Variants in MYO6 observed in about 807,000 individuals in gnomAD.
MYO6 encodes the protein myosin VI.
MYO6 carries 74 observed loss-of-function variants against 178.7 expected under a neutral mutation model. The observed-to-expected ratio is 0.41, with a 90% CI of 0.34 to 0.50. The LOEUF (loss-of-function observed/expected upper bound fraction) is 0.50. Among genes scored for constraint, MYO6 ranks in the 20% least tolerant of loss-of-function variants. MYO6 has a pLI of 0.09. For synonymous variants in MYO6, 477 were observed against 504.6 expected, an observed-to-expected ratio of 0.95 and a Z score of 0.73; for missense variants, 1,330 against 1,547.4, an observed-to-expected ratio of 0.86 and a Z score of 2.36.
chr6:75,906,370 A>G (rs999898894), intron 30 of MYO6, among the ~76,000 whole-genome samples: 2 of 152,180 alleles, frequency 1.3e-5, no homozygotes, highest in Non-Finnish European at 2.9e-5. Flanking sequence ...AATGATCTCA[A>G]ATTATATGCA....
chr6:75,852,818 A>C (rs1193306036), intron 11 of MYO6, among the ~76,000 whole-genome samples: 1 of 152,052 alleles, frequency 6.6e-6, no homozygotes, highest in Non-Finnish European at 1.5e-5. Flanking sequence ...TTTGTGTACA[A>C]ATTTGTGTTT....
chr6:75,862,489 A>T (rs147618927), intron 15 of MYO6, 107 bp from the exon 16 acceptor site: 2 of 970,762 alleles, frequency 2.1e-6, no homozygotes, highest in African/African-American at 3.2e-5. Flanking sequence ...ATCACATGCT[A>T]TGTTGTTTCT....
At chr6:75,784,393 T>G (rs1767299367) in intron 1 of MYO6, among the ~76,000 whole-genome samples, 1 of 150,598 alleles carries the variant, frequency 6.6e-6, no homozygotes, top group Non-Finnish European at 1.5e-5. Context: ...GGAAGTGAAG[T>G]TGAAAGCCAG....
At chr6:75,821,162 T>C (rs1384914151) in intron 2 of MYO6, among the ~76,000 whole-genome samples, 1 of 152,052 alleles carries the variant, frequency 6.6e-6, no homozygotes, top group Non-Finnish European at 1.5e-5. Flanking sequence ...GCTCTTAACT[T>C]TCTCATTCCA....
chr6:75,851,655 C>T (rs1414474092), intron 11 of MYO6, among the ~76,000 whole-genome samples: 2 of 151,618 alleles, frequency 1.3e-5, no homozygotes, highest in Admixed American at 1.3e-4. Context: ...AAAAAAACCC[C>T]CAAAACACAC....
intron 1 of MYO6, among the ~76,000 whole-genome samples, chr6:75,754,990 G>A (rs929655499): frequency 6.6e-6 from 1 of 152,184 alleles, no homozygotes; most frequent in Non-Finnish European, 1.5e-5. Flanking sequence ...AGCACTTTGG[G>A]AGGCTGAGGT....
intron 23 of MYO6, among the ~76,000 whole-genome samples, chr6:75,885,395 A>G (rs1268821944): frequency 1.3e-5 from 2 of 151,710 alleles, no homozygotes; most frequent in East Asian, 1.9e-4. Flanking sequence ...TTAGCCCAGC[A>G]TGGTGTGTGC....
intron 16 of MYO6, 83 bp downstream of exon 16, chr6:75,862,806 A>T: frequency 1.4e-6 from 2 of 1,479,926 alleles, no homozygotes; most frequent in Non-Finnish European, 1.9e-6. Flanking sequence ...ATATTACTAG[A>T]TAATTAGAAT....
chr6:75,866,464 A>G, intron 16 of MYO6, 62 bp from the exon 17 acceptor site: 2 of 1,335,972 alleles, frequency 1.5e-6, no homozygotes, highest in Non-Finnish European at 2.1e-6. Flanking sequence ...GTTGTTTTGT[A>G]AAGAATGATT....
intron 1 of MYO6, among the ~76,000 whole-genome samples, chr6:75,787,666 A>G (rs1767707632): frequency 1.3e-5 from 1 of 74,420 alleles, no homozygotes; most frequent in South Asian, 5.3e-4. Context: ...TATATGGGGG[A>G]ATGGAACTAT....
At chr6:75,837,450 C>T (rs1273540387) in intron 7 of MYO6, among the ~76,000 whole-genome samples, 5 of 152,260 alleles carry the variant, frequency 3.3e-5, no homozygotes, top group Non-Finnish European at 4.4e-5. Context: ...AGGCTGGTCT[C>T]AACCTCCTGG....
chr6:75,829,349 T>C (rs1017953456), intron 4 of MYO6, among the ~76,000 whole-genome samples: 2 of 152,168 alleles, frequency 1.3e-5, no homozygotes, highest in Admixed American at 1.3e-4. Flanking sequence ...TGACTGGAGA[T>C]AAATTACCCC....
intron 1 of MYO6, among the ~76,000 whole-genome samples, chr6:75,787,709 T>C (rs1767748556): frequency 1.3e-5 from 1 of 75,098 alleles, no homozygotes; most frequent in Non-Finnish European, 2.8e-5. Context: ...TCTCTCTCTC[T>C]CTCTCTCTCT....
At chr6:75,796,757 C>T (rs1045885109) in intron 1 of MYO6, among the ~76,000 whole-genome samples, 2 of 151,540 alleles carry the variant, frequency 1.3e-5, no homozygotes, top group Non-Finnish European at 2.9e-5. Context: ...CATGAGCCAC[C>T]ACACCTGGCA....
At chr6:75,833,041 C>A in intron 6 of MYO6, 94 bp downstream of exon 6, 1 of 828,814 alleles carries the variant, frequency 1.2e-6, no homozygotes, top group Non-Finnish European at 2.1e-6. Flanking sequence ...GGGTGGAATG[C>A]AGTGTCACCA....
At chr6:75,802,130 G>A (rs949462452) in intron 1 of MYO6, among the ~76,000 whole-genome samples, 4 of 151,792 alleles carry the variant, frequency 2.6e-5, no homozygotes, top group South Asian at 2.1e-4. Flanking sequence ...AATACTAAGC[G>A]GAAGACAAAA....
At chr6:75,817,367 G>A (rs1771379248) in intron 1 of MYO6, 134 bp from the exon 2 acceptor site, 1 of 629,474 alleles carries the variant, frequency 1.6e-6, no homozygotes, top group Non-Finnish European at 2.9e-6. Context: ...GGGAGGAGGT[G>A]GGGATTTTAT....
chr6:75,779,056 CAAAAAA>C (rs142469441), intron 1 of MYO6, among the ~76,000 whole-genome samples: 2,627 of 64,592 alleles, frequency 0.041, 78 homozygotes, highest in East Asian at 0.19. Flanking sequence ...GACTTTGTCT[CAAAAAA>C]AAAAAAAAAA....
chr6:75,891,524 T>C (rs1264644865), intron 27 of MYO6, among the ~76,000 whole-genome samples: 1 of 151,866 alleles, frequency 6.6e-6, no homozygotes, highest in Admixed American at 6.6e-5. Flanking sequence ...CCCAGCTAAT[T>C]GGGAGGTTGA....
Sources: gnomAD v4.1 joint callset for allele counts (sites outside exome capture counted in the v4.1 genomes callset) on GRCh38, gnomAD v4.1.1 for gene constraint, MANE v1.5 for transcripts, NCBI Gene and HGNC (gene_info 2026-07-23, HGNC 2026-07-21) for gene names.